Variants in ALG8 observed in about 807,000 individuals in gnomAD.
ALG8 encodes ALG8 alpha-1,3-glucosyltransferase.
A neutral mutation model predicts 70.2 loss-of-function variants in ALG8; 48 were observed. The observed-to-expected ratio is 0.68, with a 90% CI of 0.54 to 0.87. The LOEUF is 0.87. Ranked by LOEUF, ALG8 falls within the 40% of genes least tolerant of loss-of-function variation. ALG8 has a pLI of 0.00. For missense variants in ALG8, 572 were observed against 608.7 expected, an observed-to-expected ratio of 0.94 and a Z score of 0.64; for synonymous variants, 234 against 229.0, an observed-to-expected ratio of 1.02 and a Z score of -0.20.
chr11:78,130,174 A>AC (rs1398591415), intron 1 of ALG8, among the ~76,000 whole-genome samples: 2 of 151,924 alleles, frequency 1.3e-5, no homozygotes, highest in Non-Finnish European at 2.9e-5. Context: ...TAACAATGAG[A>AC]CCCCATCTCT....
At chr11:78,111,580 T>C (rs972139958) in intron 8 of ALG8, among the ~76,000 whole-genome samples, 4 of 152,208 alleles carry the variant, frequency 2.6e-5, no homozygotes, top group Admixed American at 2.0e-4. Flanking sequence ...GAAGTATGAA[T>C]GGTTTTTACT....
chr11:78,122,612 G>A (rs761516028), intron 3 of ALG8, among the ~76,000 whole-genome samples: 54 of 152,142 alleles, frequency 3.5e-4, no homozygotes, highest in Admixed American at 7.9e-4. Context: ...AAAGTGCTGG[G>A]ATTAAAGGCA....
chr11:78,118,422 C>A (rs1860674906), intron 5 of ALG8, among the ~76,000 whole-genome samples: 1 of 149,320 alleles, frequency 6.7e-6, no homozygotes, highest in Non-Finnish European at 1.5e-5. Context: ...TTGAGACCAG[C>A]CTGGCCAACA....
chr11:78,112,015 T>A (rs1353879410), intron 8 of ALG8, among the ~76,000 whole-genome samples: 1 of 152,170 alleles, frequency 6.6e-6, no homozygotes, highest in African/African-American at 2.4e-5. Context: ...CTTGTGCTGG[T>A]AATCCCAGCA....
chr11:78,101,290 G>T, intron 12 of ALG8, 95 bp from the exon 13 acceptor site: 1 of 1,022,150 alleles, frequency 9.8e-7, no homozygotes, highest in Admixed American at 2.1e-5. Context: ...GCACTGTCTT[G>T]CTGTCAATTA....
intron 3 of ALG8, among the ~76,000 whole-genome samples, chr11:78,122,254 C>T (rs1488844624): frequency 6.6e-6 from 1 of 151,996 alleles, no homozygotes; most frequent in Non-Finnish European, 1.5e-5. Flanking sequence ...TGAATAGAGG[C>T]AGTAAACTTA....
chr11:78,104,324 C>G (rs1423514165), intron 11 of ALG8, 32 bp downstream of exon 11: 1 of 1,531,220 alleles, frequency 6.5e-7, no homozygotes, highest in African/African-American at 1.4e-5. Context: ...TTGTGATAGT[C>G]AAATATATTT....
chr11:78,128,612 CTT>C (rs369506357), intron 1 of ALG8, among the ~76,000 whole-genome samples: 33 of 137,772 alleles, frequency 2.4e-4, no homozygotes, highest in Middle Eastern at 3.7e-3. Context: ...TCCCAAATTA[CTT>C]TTTTTTTTTT....
At chr11:78,139,115 G>T in intron 1 of ALG8, 1 of 360,310 alleles carries the variant, frequency 2.8e-6, no homozygotes, top group Non-Finnish European at 5.3e-6. Flanking sequence ...CCAACTTCGA[G>T]GGCAAGGACC....
At chr11:78,130,123 G>A (rs1012446530) in intron 1 of ALG8, among the ~76,000 whole-genome samples, 2 of 152,056 alleles carry the variant, frequency 1.3e-5, no homozygotes, top group Non-Finnish European at 1.5e-5. Context: ...AGGCCAAGGC[G>A]GGTGGATCAC....
chr11:78,102,620 T>A (rs961242352), intron 12 of ALG8, among the ~76,000 whole-genome samples: 1 of 152,128 alleles, frequency 6.6e-6, no homozygotes, highest in Non-Finnish European at 1.5e-5. Flanking sequence ...ATTATATAAG[T>A]TTTTATGGAC....
intron 1 of ALG8, among the ~76,000 whole-genome samples, chr11:78,129,419 CAAAAA>C (rs55640013): frequency 7.1e-6 from 1 of 141,048 alleles, no homozygotes. Context: ...GACTCCGTCT[CAAAAA>C]AAAAAAAAAA....
chr11:78,131,088 G>T (rs1464041776), intron 1 of ALG8, among the ~76,000 whole-genome samples: 1 of 150,976 alleles, frequency 6.6e-6, no homozygotes, highest in Non-Finnish European at 1.5e-5. Context: ...GTACTATATA[G>T]ACTTTTTCCA....
rs1052213134 is a variant in ALG8 at position 78,109,512 on chromosome 11, T to C, written c.968A>G (p.Gln323Arg). The change falls in exon 9 of 13, where the codon CAG (glutamine) becomes CGG (arginine). Residue 323 changes from glutamine (Q) to arginine (R), a missense_variant. Gln to Arg is a conservative substitution (Grantham distance 43). Transcript: ENST00000299626. Reference sequence around the variant, plus strand: ...TGAGGGAAGGACTGTGTGTTGGAACTGCTGAACCAAACCACTTGTCATTGA... The same window carrying C: ...TGAGGGAAGGACTGTGTGTTGGAACCGCTGAACCAAACCACTTGTCATTGA... ...KASMTSGLVQ[Q>R]FQHTVLPSVT... 1.9e-6 allele frequency: 3 copies of C among 1,614,058 alleles called. No homozygotes were observed. The highest frequency in any genetic ancestry group is 1.6e-4 in the Middle Eastern group (1 of 6,084).
At position 78,101,150 on chromosome 11, in the gene ALG8, A is replaced by C. The variant is rs1393533112; in HGVS notation, c.1395T>G (p.Leu465=). ...AGCAGACTTCCAGAGGCCCCAGGCC[A>C]AGCAGGTAGAAAGTTTCCATCCAAT... ...LFNWMETFYL[L]GLGPLEVCCE... Residue 465 remains leucine, a synonymous_variant, in exon 13 of 13, where the codon CTT becomes CTG. Coordinates refer to ENST00000299626, the MANE Select transcript of ALG8 (RefSeq NM_024079.5). The C allele has an allele frequency of 6.2e-7, 1 of 1,614,132 alleles. No homozygotes were observed. The highest frequency in any genetic ancestry group is 8.5e-7 in the Non-Finnish European group (1 of 1,180,042).
At position 78,112,747 on chromosome 11, in the gene ALG8, G is replaced by A. The variant is rs147231550; in HGVS notation, c.801C>T (p.Ser267=). 6.2e-7 allele frequency: 1 copy of A among 1,613,720 alleles called. No homozygotes were observed. The highest frequency in any genetic ancestry group is 1.3e-5 in the African/African-American group (1 of 74,910). Residue 267 remains serine, a synonymous_variant, in exon 8 of 13, where the codon TCC becomes TCT. Transcript: ENST00000299626. The part of the protein sequence containing the change: ...LALNQLPQVF[S]RLFPFKRGLC... ...GGCCCCTCTTGAAAGGAAAGAGTCG[G>A]GAAAAGACTTGAGGCAGCTGATTCT...
intron 1 of ALG8, among the ~76,000 whole-genome samples, chr11:78,128,613 T>TTC (rs1861178975): frequency 1.2e-5 from 1 of 85,716 alleles, no homozygotes; most frequent in Admixed American, 9.5e-5. Flanking sequence ...CCCAAATTAC[T>TTC]TTTTTTTTTT....
intron 1 of ALG8, among the ~76,000 whole-genome samples, chr11:78,137,988 T>G (rs1471280359): frequency 6.6e-6 from 1 of 152,204 alleles, no homozygotes; most frequent in Non-Finnish European, 1.5e-5. Context: ...GAGGTATTCC[T>G]GTACATGTGC....
intron 12 of ALG8, among the ~76,000 whole-genome samples, chr11:78,101,721 T>A (rs946557280): frequency 2.0e-5 from 3 of 152,250 alleles, no homozygotes; most frequent in Admixed American, 2.0e-4. Flanking sequence ...ACCATTGACC[T>A]ATGCTGTTAT....
Sources: allele counts gnomAD v4.1 joint callset (sites outside exome capture counted in the v4.1 genomes callset), GRCh38; gene constraint gnomAD v4.1.1; transcripts MANE v1.5; gene names NCBI Gene and HGNC (gene_info 2026-07-23, HGNC 2026-07-21).